CPQ: variants seen among roughly 807,000 people sequenced by gnomAD.
CPQ encodes the protein carboxypeptidase Q.
In CPQ, 37 loss-of-function variants were observed where a neutral mutation model predicts 45.7. That is an observed-to-expected ratio of 0.81 (90% CI 0.62 to 1.07). CPQ has a LOEUF of 1.07. Among genes scored for constraint, CPQ ranks in the 50% least tolerant of loss-of-function variants. The probability of loss-of-function intolerance (pLI) is 0.00; values close to 1 mark genes in which losing one functional copy is unlikely to be tolerated. For synonymous variants in CPQ, 186 were observed against 205.8 expected (o/e 0.90, Z 0.82); for missense variants, 537 against 572.9 (o/e 0.94, Z 0.64).
intron 5 of CPQ, among the ~76,000 whole-genome samples, chr8:96,975,711 T>C (rs1001882755): frequency 7.2e-5 from 11 of 152,098 alleles, no homozygotes; most frequent in Admixed American, 2.0e-4. Context: ...ATAAATATGA[T>C]ACATCACATA....
chr8:96,668,495 A>G (rs534621397), intron 1 of CPQ, among the ~76,000 whole-genome samples: 3 of 152,320 alleles, frequency 2.0e-5, no homozygotes, highest in African/African-American at 4.8e-5. Context: ...AGAGGATTCA[A>G]AGAGACCATA....
intron 3 of CPQ, among the ~76,000 whole-genome samples, chr8:96,876,000 G>A (rs1292000572): frequency 2.0e-5 from 3 of 151,622 alleles, no homozygotes; most frequent in Non-Finnish European, 4.4e-5. Flanking sequence ...TCAGTGTACA[G>A]GTTTCACATG....
At chr8:96,842,414 AC>A (rs754953267) in intron 3 of CPQ, among the ~76,000 whole-genome samples, 11 of 152,192 alleles carry the variant, frequency 7.2e-5, no homozygotes, top group Non-Finnish European at 1.2e-4. Flanking sequence ...CAAGTGACTC[AC>A]CTCGATTAGT....
chr8:96,727,015 C>G (rs1380645772), intron 1 of CPQ, among the ~76,000 whole-genome samples: 2 of 152,164 alleles, frequency 1.3e-5, no homozygotes, highest in Admixed American at 1.3e-4. Context: ...TATTCATCCT[C>G]TTTTCTGTTG....
chr8:96,778,590 G>T (rs989087153), intron 1 of CPQ, among the ~76,000 whole-genome samples: 1 of 152,046 alleles, frequency 6.6e-6, no homozygotes, highest in Non-Finnish European at 1.5e-5. Context: ...TTTGTTAAAA[G>T]AATATCTTTT....
intron 1 of CPQ, among the ~76,000 whole-genome samples, chr8:96,684,809 G>T (rs1210136469): frequency 6.6e-6 from 1 of 152,044 alleles, no homozygotes; most frequent in Non-Finnish European, 1.5e-5. Context: ...TTAAGAGTTA[G>T]CTCAGTGTTG....
chr8:96,691,938 G>A (rs146663692), intron 1 of CPQ, among the ~76,000 whole-genome samples: 6 of 152,182 alleles, frequency 3.9e-5, no homozygotes, highest in South Asian at 2.1e-4. Context: ...TAGGTTGAGT[G>A]TATTTCTTTT....
intron 1 of CPQ, among the ~76,000 whole-genome samples, chr8:96,718,181 C>G (rs909328304): frequency 6.6e-6 from 1 of 152,166 alleles, no homozygotes. Context: ...GGAGTTCATC[C>G]GTACTTGAGA....
intron 4 of CPQ, among the ~76,000 whole-genome samples, chr8:96,893,671 G>A (rs1001700215): frequency 6.6e-6 from 1 of 152,070 alleles, no homozygotes; most frequent in Non-Finnish European, 1.5e-5. Context: ...TGGAAAATAC[G>A]ATTCAAAATG....
At chr8:96,779,867 G>T (rs1810665119) in intron 1 of CPQ, among the ~76,000 whole-genome samples, 1 of 152,100 alleles carries the variant, frequency 6.6e-6, no homozygotes, top group African/African-American at 2.4e-5. Context: ...TATCAGTATA[G>T]TGGCTTTAGT....
At chr8:96,955,628 A>G (rs1813344224) in intron 4 of CPQ, among the ~76,000 whole-genome samples, 1 of 152,180 alleles carries the variant, frequency 6.6e-6, no homozygotes, top group Non-Finnish European at 1.5e-5. Context: ...AAACTATACT[A>G]CAAGGCTACA....
At chr8:96,908,747 G>GCGCGCACACACACA (rs149476038) in intron 4 of CPQ, among the ~76,000 whole-genome samples, 1 of 140,918 alleles carries the variant, frequency 7.1e-6, no homozygotes, top group African/African-American at 2.6e-5. Flanking sequence ...ATACACATGC[G>GCGCGCACACACACA]CACACACACA....
At chr8:96,987,805 G>A (rs1809017074) in intron 5 of CPQ, among the ~76,000 whole-genome samples, 1 of 152,120 alleles carries the variant, frequency 6.6e-6, no homozygotes, top group African/African-American at 2.4e-5. Context: ...TCCTCTTATG[G>A]AAGATAGATT....
chr8:97,142,526 G>A (rs1812184655), intron 7 of CPQ, among the ~76,000 whole-genome samples: 1 of 152,208 alleles, frequency 6.6e-6, no homozygotes, highest in Admixed American at 6.5e-5. Flanking sequence ...ATTTGCAAAC[G>A]TGCAGATACA....
intron 3 of CPQ, among the ~76,000 whole-genome samples, chr8:96,852,463 T>C (rs1811783456): frequency 6.6e-6 from 1 of 152,090 alleles, no homozygotes; most frequent in African/African-American, 2.4e-5. Flanking sequence ...TTCCCCACCT[T>C]CCAGCATTAG....
intron 7 of CPQ, among the ~76,000 whole-genome samples, chr8:97,123,024 T>TA (rs1356576854): frequency 0.08 from 2,116 of 26,396 alleles, 334 homozygotes; most frequent in Non-Finnish European, 0.094. Context: ...TAAAATAAAA[T>TA]AAATAAAATA....
At chr8:96,682,372 GCTCT>G (rs530844660) in intron 1 of CPQ, among the ~76,000 whole-genome samples, 1 of 152,190 alleles carries the variant, frequency 6.6e-6, no homozygotes, top group Non-Finnish European at 1.5e-5. Flanking sequence ...CCCTATACAA[GCTCT>G]CTCTCTTGGC....
chr8:97,123,785 T>C (rs1811797597), intron 7 of CPQ, among the ~76,000 whole-genome samples: 1 of 151,938 alleles, frequency 6.6e-6, no homozygotes, highest in Non-Finnish European at 1.5e-5. Context: ...ATTTTAAATA[T>C]AAAAATAGCT....
At chr8:96,944,364 G>A (rs1174667134) in intron 4 of CPQ, among the ~76,000 whole-genome samples, 3 of 152,078 alleles carry the variant, frequency 2.0e-5, no homozygotes, top group Non-Finnish European at 4.4e-5. Context: ...AGTCTGTTCA[G>A]TCCATTTGTT....
Sources: gnomAD v4.1 joint callset for allele counts (sites outside exome capture counted in the v4.1 genomes callset) on GRCh38, gnomAD v4.1.1 for gene constraint, MANE v1.5 for transcripts, NCBI Gene and HGNC (gene_info 2026-07-23, HGNC 2026-07-21) for gene names.